RAPGEF4: variants seen among roughly 807,000 people sequenced by gnomAD.
RAPGEF4 encodes the protein Rap guanine nucleotide exchange factor 4.
In RAPGEF4, 66 loss-of-function variants were observed where a neutral mutation model predicts 147.9. The ratio of observed to expected loss-of-function variants is 0.45; its 90% CI spans 0.37 to 0.55. The LOEUF (loss-of-function observed/expected upper bound fraction) is 0.55. Ranked by LOEUF, RAPGEF4 falls within the 20% of genes least tolerant of loss-of-function variation. The probability of loss-of-function intolerance (pLI) is 0.00; values close to 1 mark genes in which losing one functional copy is unlikely to be tolerated. For synonymous variants in RAPGEF4, 419 were observed against 442.7 expected (o/e 0.95, Z 0.67); for missense variants, 1,071 against 1,257.3 (o/e 0.85, Z 2.24).
chr2:173,005,520 G>GTTT (rs573596077), intron 17 of RAPGEF4, among the ~76,000 whole-genome samples: 1,410 of 86,682 alleles, frequency 0.016, 42 homozygotes, highest in East Asian at 0.042. Flanking sequence ...GTTGTTTTGT[G>GTTT]TTTTTTTTTT....
chr2:172,983,195 T>A (rs866966520), intron 10 of RAPGEF4, among the ~76,000 whole-genome samples: 1 of 152,208 alleles, frequency 6.6e-6, no homozygotes, highest in Non-Finnish European at 1.5e-5. Flanking sequence ...TTTAGCTCAA[T>A]CATCTACAAA....
At chr2:172,801,748 G>A (rs1157422738) in intron 3 of RAPGEF4, among the ~76,000 whole-genome samples, 12 of 152,308 alleles carry the variant, frequency 7.9e-5, no homozygotes, top group Non-Finnish European at 1.2e-4. Flanking sequence ...AGGACCGGAA[G>A]GGGAAGGAAG....
intron 6 of RAPGEF4, among the ~76,000 whole-genome samples, chr2:172,937,635 G>A (rs533515213): frequency 5.3e-5 from 8 of 152,052 alleles, no homozygotes; most frequent in South Asian, 2.1e-4. Context: ...CTCCTGCCCC[G>A]CTTTCCATAC....
intron 3 of RAPGEF4, among the ~76,000 whole-genome samples, chr2:172,813,218 A>C (rs1367097755): frequency 6.6e-6 from 1 of 152,186 alleles, no homozygotes; most frequent in Admixed American, 6.5e-5. Context: ...AGATGCATGA[A>C]AGGAAAACTG....
At chr2:172,905,595 G>A (rs1277249461) in intron 4 of RAPGEF4, among the ~76,000 whole-genome samples, 1 of 152,180 alleles carries the variant, frequency 6.6e-6, no homozygotes, top group Non-Finnish European at 1.5e-5. Context: ...TTATCTGCTC[G>A]CTTGTAGTGT....
Position 173,018,686 on chromosome 2 carries a change from C to T in RAPGEF4, c.2039C>T (p.Thr680Ile), listed in dbSNP as rs778479178. The change falls in exon 22 of 31, where the codon ACC (threonine) becomes ATC (isoleucine). Residue 680 changes from threonine to isoleucine, a missense_variant. Thr to Ile is a moderately conservative substitution (Grantham distance 89). Coordinates refer to ENST00000397081, the MANE Select transcript of RAPGEF4 (RefSeq NM_007023.4). ...VLFKVYCMDH[T>I]YTTIRVPVAT... ...TTTAAGGTCTATTGCATGGACCACA[C>T]CTACACAACCATTCGGGTGCCAGTG... The T allele has an allele frequency of 5.0e-6, 8 of 1,613,970 alleles. No individual in the cohort carries two copies. In the South Asian group the frequency reaches 8.8e-5, roughly 18 times the overall value.
intron 4 of RAPGEF4, among the ~76,000 whole-genome samples, chr2:172,839,163 C>CCCT (rs759068955): frequency 1.3e-5 from 2 of 151,976 alleles, no homozygotes; most frequent in Non-Finnish European, 2.9e-5. Flanking sequence ...CCTTATAAAG[C>CCCT]CAGGTCATTG....
intron 17 of RAPGEF4, among the ~76,000 whole-genome samples, chr2:173,004,277 A>T (rs1037609897): frequency 6.6e-6 from 1 of 152,200 alleles, no homozygotes; most frequent in Non-Finnish European, 1.5e-5. Flanking sequence ...CAGTTTGGAC[A>T]TGATTTGACC....
chr2:172,736,145 G>C (rs1195979687), intron 1 of RAPGEF4, 97 bp downstream of exon 1: 2 of 999,480 alleles, frequency 2.0e-6, no homozygotes, highest in Non-Finnish European at 2.6e-6. Flanking sequence ...GCGCGGCCGG[G>C]CTGCGGGTGG....
chr2:172,837,035 T>G (rs1249913676), intron 4 of RAPGEF4, among the ~76,000 whole-genome samples: 3 of 152,188 alleles, frequency 2.0e-5, no homozygotes, highest in African/African-American at 7.2e-5. Flanking sequence ...CCCTGAGGTA[T>G]GTAAGGAGAA....
Position 172,864,480 on chromosome 2 carries a change from C to T in RAPGEF4, c.444+50055C>T, listed in dbSNP as rs530694390. Among the ~76,000 whole-genome samples the T allele has an allele frequency of 9.2e-5, 14 of 152,298 alleles. No individual in the cohort carries two copies. The South Asian group carries it at 2.7e-3, about 29-fold the overall frequency. ...TCTTGACTGGGTAGACCTGAGGAAC[C>T]TCCAGTGTACGTCCCCCGATTTAGG... On this transcript the variant is annotated intron_variant, in intron 4 of 30. Transcript: ENST00000397081.
At chr2:172,736,660 T>TG (rs1347070056) in intron 1 of RAPGEF4, among the ~76,000 whole-genome samples, 8 of 152,218 alleles carry the variant, frequency 5.3e-5, no homozygotes, top group African/African-American at 1.9e-4. Flanking sequence ...CTAAAAATAA[T>TG]TAAAACCATA....
At chr2:172,759,664 AG>A (rs1168845914) in intron 1 of RAPGEF4, among the ~76,000 whole-genome samples, 3 of 152,250 alleles carry the variant, frequency 2.0e-5, no homozygotes, top group Non-Finnish European at 4.4e-5. Context: ...ATATCCTCTT[AG>A]GAGATGGTAT....
At chr2:172,965,010 A>C (rs1689680588) in intron 8 of RAPGEF4, 1 of 153,398 alleles carries the variant, frequency 6.5e-6, no homozygotes, top group Admixed American at 6.4e-5. Flanking sequence ...TTTCAAAGAG[A>C]TTTGCATTGC....
chr2:172,928,675 G>A (rs1685619006), intron 6 of RAPGEF4, among the ~76,000 whole-genome samples: 1 of 152,092 alleles, frequency 6.6e-6, no homozygotes, highest in African/African-American at 2.4e-5. Flanking sequence ...ACTTTTTAAT[G>A]CTGCCGCCAT....
In RAPGEF4 at chr2:173,018,721, G is replaced by A. The variant is rs1444519193; in HGVS notation, c.2074G>A (p.Val692Met). The change falls in exon 22 of 31, where the codon GTG (valine) becomes ATG (methionine). Residue 692 changes from valine (V) to methionine (M), a missense_variant. Coordinates refer to ENST00000397081, the MANE Select transcript of RAPGEF4 (RefSeq NM_007023.4). ...TTIRVPVATS[V>M]KEVISAVADK... ...CATTCGGGTGCCAGTGGCCACTTCGGTGAAGGAAGTCATCAGTGCAGTTGC... is the reference window on the plus strand; with the variant it reads ...CATTCGGGTGCCAGTGGCCACTTCGATGAAGGAAGTCATCAGTGCAGTTGC... The A allele has an allele frequency of 1.2e-6, 2 of 1,614,080 alleles. No individual in the cohort carries two copies. Among genetic ancestry groups the A allele is most frequent in the Non-Finnish European group, 1.7e-6 (2 of 1,180,020 alleles).
In RAPGEF4 at chr2:173,019,502, A is replaced by G. The variant is rs1040951569; in HGVS notation, c.2155+700A>G. Among the ~76,000 whole-genome samples, 3 of 152,222 alleles carry G rather than the reference A, an allele frequency of 2.0e-5. 1 individual carries two copies. The East Asian group carries it at 5.8e-4, about 29-fold the overall frequency. On this transcript the variant is annotated intron_variant, in intron 22 of 30. Coordinates refer to ENST00000397081, the MANE Select transcript of RAPGEF4 (RefSeq NM_007023.4). Reference sequence around the variant, plus strand: ...GCTGGCAAGAGTTTTAGGAATGACCACATATTGTAGTGAGAGACTAGAGGA... The same window carrying G: ...GCTGGCAAGAGTTTTAGGAATGACCGCATATTGTAGTGAGAGACTAGAGGA...
intron 17 of RAPGEF4, among the ~76,000 whole-genome samples, chr2:173,013,771 A>C (rs755889264): frequency 9.9e-5 from 15 of 152,218 alleles, no homozygotes; most frequent in Non-Finnish European, 1.0e-4. Context: ...CCAAGCCTCA[A>C]GGTGCTTACA....
chr2:172,972,335 C>T (rs535203094), intron 10 of RAPGEF4, among the ~76,000 whole-genome samples: 7 of 152,224 alleles, frequency 4.6e-5, no homozygotes, highest in South Asian at 2.1e-4. Flanking sequence ...TTTGTTTCTT[C>T]GGGGGATTCC....
Sources: allele counts gnomAD v4.1 joint callset (sites outside exome capture counted in the v4.1 genomes callset), GRCh38; gene constraint gnomAD v4.1.1; transcripts MANE v1.5; gene names NCBI Gene and HGNC (gene_info 2026-07-23, HGNC 2026-07-21).